CSMD1: variants seen among roughly 807,000 people sequenced by gnomAD.
CSMD1 encodes the protein CUB and Sushi multiple domains 1.
CSMD1 carries 213 observed loss-of-function variants against 417.5 expected under a neutral mutation model. That is an observed-to-expected ratio of 0.51 (90% CI 0.46 to 0.57). The LOEUF is 0.57. Ranked by LOEUF, CSMD1 falls within the 20% of genes least tolerant of loss-of-function variation. CSMD1 has a pLI of 0.00. For synonymous variants in CSMD1, 2,862 were observed against 1,736.8 expected, an observed-to-expected ratio of 1.65 and a Z score of -16.11; for missense variants, 6,923 against 4,529.7, an observed-to-expected ratio of 1.53 and a Z score of -15.17.
chr8:4,095,016 G>A (rs1689023038), intron 3 of CSMD1, among the ~76,000 whole-genome samples: 1 of 152,158 alleles, frequency 6.6e-6, no homozygotes, highest in Non-Finnish European at 1.5e-5. Context: ...GAGAGACCAT[G>A]GCAACAAAGA....
At chr8:4,591,778 T>C (rs1225956472) in intron 2 of CSMD1, among the ~76,000 whole-genome samples, 1 of 152,030 alleles carries the variant, frequency 6.6e-6, no homozygotes, top group Admixed American at 6.6e-5. Flanking sequence ...ACTTAGCGTA[T>C]TGAGGGGAAT....
At chr8:4,086,788 C>G (rs1585284715) in intron 3 of CSMD1, among the ~76,000 whole-genome samples, 1 of 152,144 alleles carries the variant, frequency 6.6e-6, no homozygotes, top group Admixed American at 6.5e-5. Context: ...AGTGAATGAA[C>G]TTGTGAAACA....
At chr8:4,488,690 G>A (rs896663734) in intron 2 of CSMD1, among the ~76,000 whole-genome samples, 1 of 151,882 alleles carries the variant, frequency 6.6e-6, no homozygotes, top group Non-Finnish European at 1.5e-5. Flanking sequence ...GCGGTGGGGG[G>A]GGTGAAAAGT....
intron 3 of CSMD1, among the ~76,000 whole-genome samples, chr8:4,272,375 T>A (rs1240023810): frequency 1.3e-5 from 2 of 152,162 alleles, no homozygotes; most frequent in South Asian, 4.1e-4. Context: ...TCCTTTCACC[T>A]GAAGTCTCAG....
intron 1 of CSMD1, among the ~76,000 whole-genome samples, chr8:4,834,458 T>C (rs560880229): frequency 6.6e-6 from 1 of 152,292 alleles, no homozygotes; most frequent in East Asian, 1.9e-4. Context: ...CATGCCCATG[T>C]ATTCACGCAA....
At chr8:3,520,039 T>TATATATGTATATAC (rs545212684) in intron 10 of CSMD1, among the ~76,000 whole-genome samples, 1 of 147,110 alleles carries the variant, frequency 6.8e-6, no homozygotes, top group African/African-American at 2.6e-5. Context: ...TATATATATA[T>TATATATGTATATAC]ACACGTATAG....
chr8:4,560,111 C>A (rs1445617204), intron 2 of CSMD1, among the ~76,000 whole-genome samples: 1 of 152,256 alleles, frequency 6.6e-6, no homozygotes, highest in African/African-American at 2.4e-5. Flanking sequence ...CACGTGGTGA[C>A]TGCACCCTCC....
At chr8:3,766,220 C>T (rs1417549318) in intron 5 of CSMD1, among the ~76,000 whole-genome samples, 1 of 152,182 alleles carries the variant, frequency 6.6e-6, no homozygotes, top group African/African-American at 2.4e-5. Context: ...GGTGCGCTTT[C>T]TTCTGCCGGA....
chr8:4,645,327 C>T (rs758182092), intron 1 of CSMD1, among the ~76,000 whole-genome samples: 1 of 149,812 alleles, frequency 6.7e-6, no homozygotes, highest in Non-Finnish European at 1.5e-5. Context: ...TTAGTTAACT[C>T]CAGCAATGTA....
chr8:4,873,901 G>A (rs1167088350), intron 1 of CSMD1, among the ~76,000 whole-genome samples: 2 of 151,972 alleles, frequency 1.3e-5, no homozygotes, highest in Non-Finnish European at 1.5e-5. Flanking sequence ...AAGGCAATTA[G>A]AAAGAAGAAA....
chr8:4,398,807 A>G (rs1804447310), intron 3 of CSMD1, among the ~76,000 whole-genome samples: 1 of 152,184 alleles, frequency 6.6e-6, no homozygotes, highest in Middle Eastern at 3.2e-3. Flanking sequence ...GAATGACCCT[A>G]TCTTGTGTGG....
intron 3 of CSMD1, among the ~76,000 whole-genome samples, chr8:4,156,769 G>A (rs1253176063): frequency 6.6e-6 from 1 of 152,262 alleles, no homozygotes; most frequent in East Asian, 1.9e-4. Flanking sequence ...AATCCAGACA[G>A]TACAGACTTT....
At chr8:4,923,151 A>G (rs1168064516) in intron 1 of CSMD1, among the ~76,000 whole-genome samples, 1 of 152,196 alleles carries the variant, frequency 6.6e-6, no homozygotes, top group Admixed American at 6.5e-5. Context: ...TAAAATATAT[A>G]ATACCATCAA....
chr8:3,762,219 C>G (rs1253176076), intron 5 of CSMD1, among the ~76,000 whole-genome samples: 1 of 152,114 alleles, frequency 6.6e-6, no homozygotes, highest in Non-Finnish European at 1.5e-5. Context: ...CCCATGTGCC[C>G]TCCTGACTCA....
intron 41 of CSMD1, among the ~76,000 whole-genome samples, chr8:3,134,486 G>A (rs1817968855): frequency 6.6e-6 from 1 of 152,240 alleles, no homozygotes; most frequent in African/African-American, 2.4e-5. Flanking sequence ...GGAGCAGGCA[G>A]ATCTGTCAGG....
chr8:4,659,047 A>G (rs560605462), intron 1 of CSMD1, among the ~76,000 whole-genome samples: 6 of 152,318 alleles, frequency 3.9e-5, no homozygotes, highest in African/African-American at 1.4e-4. Flanking sequence ...CACTACAAAA[A>G]TACATAAACA....
intron 37 of CSMD1, among the ~76,000 whole-genome samples, chr8:3,180,788 C>T (rs567340903): frequency 6.6e-6 from 1 of 152,010 alleles, no homozygotes. Flanking sequence ...CGTCACCATG[C>T]CCAGCTAATT....
intron 69 of CSMD1, 36 bp downstream of exon 69, chr8:2,942,436 C>T (rs777662035): frequency 3.2e-6 from 5 of 1,586,372 alleles, no homozygotes; most frequent in Non-Finnish European, 3.4e-6. Flanking sequence ...AGTTTACACT[C>T]ACAACATTCT....
intron 25 of CSMD1, among the ~76,000 whole-genome samples, chr8:3,302,822 G>A (rs1804521511): frequency 6.6e-6 from 1 of 152,172 alleles, no homozygotes; most frequent in Non-Finnish European, 1.5e-5. Flanking sequence ...TGAGTGGTAT[G>A]GTTGGGAGCT....
Sources: gnomAD v4.1 joint callset for allele counts (sites outside exome capture counted in the v4.1 genomes callset) on GRCh38, gnomAD v4.1.1 for gene constraint, MANE v1.5 for transcripts, NCBI Gene and HGNC (gene_info 2026-07-23, HGNC 2026-07-21) for gene names.